Variants in BARD1 observed in about 807,000 individuals in gnomAD.
BARD1 encodes BRCA1 associated RING domain 1.
Under a neutral mutation model 77.0 loss-of-function variants are expected in BARD1, and 73 were observed. The observed-to-expected ratio is 0.95, with a 90% CI of 0.79 to 1.15. BARD1 has a LOEUF of 1.15. BARD1 is among the 50% of genes most tolerant of loss of function. The pLI, the probability that BARD1 is intolerant of heterozygous loss-of-function variation, is 0.00. For synonymous variants in BARD1, 384 were observed against 338.0 expected, an observed-to-expected ratio of 1.14 and a Z score of -1.49; for missense variants, 993 against 938.8, an observed-to-expected ratio of 1.06 and a Z score of -0.75.
In BARD1 at chr2:214,726,792, G is replaced by A. The variant is rs183233178; in HGVS notation, c.*1884C>T. The A allele has an allele frequency of 1.3e-5, 3 of 227,242 alleles. No homozygotes were observed. In the Admixed American group the frequency reaches 1.7e-4, roughly 13 times the overall value. The allele number at this position is 227,242 out of a possible 1,614,324, so 14.1% of individuals were successfully genotyped here. ...AACTGCTGTCAAATATTTAACAAAA[G>A]CAAAGATGAAACTGCTTAACAGTCA... On this transcript the variant is annotated 3_prime_UTR_variant, in exon 11 of 11. Coordinates refer to ENST00000260947, the MANE Select transcript of BARD1 (RefSeq NM_000465.4).
intron 7 of BARD1, among the ~76,000 whole-genome samples, chr2:214,751,994 A>T (rs1417771265): frequency 6.6e-6 from 1 of 152,110 alleles, no homozygotes; most frequent in Non-Finnish European, 1.5e-5. Flanking sequence ...CTTCAATTCA[A>T]ATCAGTGCTT....
At chr2:214,749,446 A>C (rs879582850) in intron 7 of BARD1, among the ~76,000 whole-genome samples, 20 of 152,204 alleles carry the variant, frequency 1.3e-4, no homozygotes, top group Non-Finnish European at 2.1e-4. Flanking sequence ...AGTAAAACTC[A>C]AAAGGCCATG....
chr2:214,735,324 T>C (rs1692523999), intron 9 of BARD1, among the ~76,000 whole-genome samples: 5 of 152,134 alleles, frequency 3.3e-5, no homozygotes, highest in Non-Finnish European at 7.3e-5. Context: ...AAAGGGCCAC[T>C]TGTTTACAGC....
rs730881416 is a variant in BARD1 at position 214,780,765 on chromosome 2, C to G, written c.1109G>C (p.Arg370Pro). The G allele has an allele frequency of 6.2e-7, 1 of 1,614,032 alleles. No individual in the cohort carries two copies. The highest frequency in any genetic ancestry group is 8.5e-7 in the Non-Finnish European group (1 of 1,179,964). ...PECSSPPSCK[R>P]KVGGTSGRKN... ...CCTCCCTGATGTACCACCAACTTTA[C>G]GTTTGCATGAAGGTGGTGAAGAACA... The change falls in exon 4 of 11, where the codon CGT becomes CCT. Residue 370 changes from arginine (R) to proline (P), a missense_variant. Arg to Pro is a moderately radical substitution (Grantham distance 103). Transcript: ENST00000260947.
chr2:214,775,672 TA>T (rs1670127591), intron 4 of BARD1, among the ~76,000 whole-genome samples: 1 of 151,952 alleles, frequency 6.6e-6, no homozygotes, highest in Non-Finnish European at 1.5e-5. Flanking sequence ...CTGCGAAGCA[TA>T]AAAAAGTGAA....
chr2:214,771,351 T>C (rs1694477362), intron 4 of BARD1, among the ~76,000 whole-genome samples: 1 of 152,176 alleles, frequency 6.6e-6, no homozygotes, highest in African/African-American at 2.4e-5. Flanking sequence ...AATACTTTTT[T>C]CTGAAATTTT....
At chr2:214,741,899 T>A (rs901101478) in intron 9 of BARD1, among the ~76,000 whole-genome samples, 1 of 147,150 alleles carries the variant, frequency 6.8e-6, no homozygotes, top group Non-Finnish European at 1.5e-5. Flanking sequence ...ATAGTTAAAT[T>A]TGGACCCAAT....
At chr2:214,778,944 G>A (rs1471285727) in intron 4 of BARD1, among the ~76,000 whole-genome samples, 2 of 152,094 alleles carry the variant, frequency 1.3e-5, no homozygotes, top group Non-Finnish European at 2.9e-5. Context: ...CTATGTATTA[G>A]CCAGCAAAAT....
chr2:214,745,480 C>A (rs1574738229), intron 8 of BARD1, among the ~76,000 whole-genome samples: 1 of 152,286 alleles, frequency 6.6e-6, no homozygotes, highest in East Asian at 1.9e-4. Flanking sequence ...CACAAATTTG[C>A]TCTTCTGAAA....
At chr2:214,792,147 AT>A in intron 3 of BARD1, 149 bp downstream of exon 3, 22 of 769,264 alleles carry the variant, frequency 2.9e-5, no homozygotes, top group East Asian at 8.6e-5. Flanking sequence ...CTCAATGGCT[AT>A]TTAAAAAAAA....
At chr2:214,734,939 C>T (rs1056066734) in intron 9 of BARD1, among the ~76,000 whole-genome samples, 2 of 152,148 alleles carry the variant, frequency 1.3e-5, no homozygotes, top group Non-Finnish European at 1.5e-5. Context: ...ATGCTATGAA[C>T]ACCGATTAGT....
At chr2:214,791,312 T>A (rs1405935669) in intron 3 of BARD1, among the ~76,000 whole-genome samples, 1 of 152,200 alleles carries the variant, frequency 6.6e-6, no homozygotes, top group Non-Finnish European at 1.5e-5. Flanking sequence ...TTATTTTGTA[T>A]AATCAACTTC....
At chr2:214,751,111 GTGTGTGTATATATATATATA>G (rs1485707177) in intron 7 of BARD1, among the ~76,000 whole-genome samples, 7 of 16,978 alleles carry the variant, frequency 4.1e-4, no homozygotes, top group Admixed American at 3.2e-3. Flanking sequence ...GTGTGTGTGT[GTGTGTGTATATATATATATA>G]TATATATATA....
chr2:214,794,163 G>A (rs1215227528), intron 2 of BARD1, among the ~76,000 whole-genome samples: 1 of 151,986 alleles, frequency 6.6e-6, no homozygotes, highest in African/African-American at 2.4e-5. Context: ...GAGATTGGAT[G>A]ATCACCCAAG....
chr2:214,776,650 G>T (rs114292956), intron 4 of BARD1, among the ~76,000 whole-genome samples: 4,194 of 152,236 alleles, frequency 0.028, 85 homozygotes, highest in South Asian at 0.077. Context: ...AAATTAGGAA[G>T]CTACTTCAGT....
chr2:214,783,022 GCATA>G (rs1695111240), intron 3 of BARD1, among the ~76,000 whole-genome samples: 1 of 152,128 alleles, frequency 6.6e-6, no homozygotes, highest in Admixed American at 6.6e-5. Flanking sequence ...ATAGCAGAGA[GCATA>G]CAAAGTTGTT....
chr2:214,792,681 A>G (rs1011298347), intron 2 of BARD1, among the ~76,000 whole-genome samples: 5 of 152,136 alleles, frequency 3.3e-5, no homozygotes, highest in Non-Finnish European at 7.4e-5. Context: ...AGTCTGCATA[A>G]TTTTCCCTAC....
At chr2:214,763,492 T>C (rs1694053635) in intron 6 of BARD1, among the ~76,000 whole-genome samples, 2 of 152,152 alleles carry the variant, frequency 1.3e-5, no homozygotes, top group Non-Finnish European at 2.9e-5. Flanking sequence ...CTTGAGGTCA[T>C]GAAGAACACA....
chr2:214,781,491 G>C lies in BARD1; in HGVS notation c.383C>G (p.Pro128Arg). ...TGCATCATTAAACAAACTTTTCCTA[G>C]GTTTATCTTCTTTCAAATCTGACAG... ...NELSDLKEDK[P>R]RKSLFNDAGN... is the part of the protein sequence containing the mutation. Residue 128 changes from proline (P) to arginine (R), a missense_variant, in exon 4 of 11, where the codon CCT becomes CGT. Pro to Arg is a moderately radical substitution (Grantham distance 103, BLOSUM62 -2). Coordinates refer to ENST00000260947, the MANE Select transcript of BARD1 (RefSeq NM_000465.4). The C allele has an allele frequency of 6.2e-7, 1 of 1,610,220 alleles. No individual in the cohort carries two copies. Among genetic ancestry groups the C allele is most frequent in the South Asian group, 1.1e-5 (1 of 90,330 alleles).
Sources: gnomAD v4.1 joint callset for allele counts (sites outside exome capture counted in the v4.1 genomes callset) on GRCh38, gnomAD v4.1.1 for gene constraint, MANE v1.5 for transcripts, NCBI Gene and HGNC (gene_info 2026-07-23, HGNC 2026-07-21) for gene names.